The following TNS1 variants were observed in gnomAD, a reference collection of about 807,000 sequenced individuals.
TNS1 encodes the protein tensin 1.
A neutral mutation model predicts 168.6 loss-of-function variants in TNS1; 62 were observed. That is an observed-to-expected ratio of 0.37 (90% CI 0.30 to 0.45). The LOEUF (loss-of-function observed/expected upper bound fraction) is 0.45, where lower values mean the gene tolerates loss of function less well. Among genes scored for constraint, TNS1 ranks in the 20% least tolerant of loss-of-function variants. TNS1 has a pLI of 1.00. For synonymous variants in TNS1, 934 were observed against 933.2 expected, an observed-to-expected ratio of 1.00 and a Z score of -0.02; for missense variants, 2,240 against 2,339.4, an observed-to-expected ratio of 0.96 and a Z score of 0.88.
chr2:217,836,627 A>C (rs1263234778), intron 19 of TNS1, among the ~76,000 whole-genome samples: 1 of 152,160 alleles, frequency 6.6e-6, no homozygotes, highest in Non-Finnish European at 1.5e-5. Context: ...GTGGGGAAGA[A>C]CTCTTGGAAA....
chr2:217,810,845 A>G (rs1940740066), intron 28 of TNS1, among the ~76,000 whole-genome samples: 1 of 151,972 alleles, frequency 6.6e-6, no homozygotes, highest in African/African-American at 2.4e-5. Flanking sequence ...CAATGTATGC[A>G]TTTATCAAAA....
Position 217,804,233 on chromosome 2 carries a change from A to C in TNS1, c.*226T>G. 45 of 543,434 alleles carry C rather than the reference A, an allele frequency of 8.3e-5. No individual in the cohort carries two copies. The highest frequency in any genetic ancestry group is 4.9e-4 in the Middle Eastern group (1 of 2,050). 33.7% of individuals were successfully genotyped at this position (543,434 alleles called of 1,614,324 possible). A position where few individuals can be genotyped will look rare whatever the true frequency, so the allele number is the denominator to read the frequency against. On this transcript the variant is annotated 3_prime_UTR_variant, in exon 33 of 33. Coordinates refer to ENST00000682258, the MANE Select transcript of TNS1 (RefSeq NM_001387777.1). The stretch of plus-strand genomic sequence containing the variant: ...TTGCAGTTTCCATCTACCCAGGGGA[A>C]TCCAAGTTCTTCTCCTCCATCTTTC...
chr2:218,024,820 T>A (rs1378163862), intron 1 of TNS1, among the ~76,000 whole-genome samples: 1 of 152,126 alleles, frequency 6.6e-6, no homozygotes, highest in Non-Finnish European at 1.5e-5. Flanking sequence ...TCTGTACCCA[T>A]GCCTCAGTTT....
chr2:218,012,729 C>T (rs1051070516), upstream of TNS1, among the ~76,000 whole-genome samples: 2 of 152,104 alleles, frequency 1.3e-5, no homozygotes, highest in Admixed American at 6.5e-5. Flanking sequence ...GTTCTGTTTT[C>T]GTCACCAAGG....
chr2:217,946,937 GCTCTCTCT>G (rs150249191), intron 3 of TNS1, among the ~76,000 whole-genome samples: 93 of 130,868 alleles, frequency 7.1e-4, no homozygotes, highest in East Asian at 2.3e-3. Flanking sequence ...TTCCACCATC[GCTCTCTCT>G]CTCTCTCTCT....
At chr2:218,029,234 T>C (rs1376125563) in intron 1 of TNS1, among the ~76,000 whole-genome samples, 1 of 152,106 alleles carries the variant, frequency 6.6e-6, no homozygotes, top group African/African-American at 2.4e-5. Context: ...GGGGGGCAAG[T>C]GAATTGAGAA....
chr2:217,885,075 C>A lies in TNS1; in HGVS notation c.1206G>T (p.Gly402=). ...QFHTCAIHDL[G]VVFGKEDLDD... ...CAAGGTCCTCCTTCCCAAAGACAAC[C>A]CCCAGGTCATGGATGGCACAGGTGT... Residue 402 remains glycine (G), a synonymous_variant, in exon 16 of 33, where the codon GGG becomes GGT. Coordinates refer to ENST00000682258, the MANE Select transcript of TNS1 (RefSeq NM_001387777.1). 1 of 1,614,246 alleles carries A rather than the reference C, an allele frequency of 6.2e-7. No homozygotes were observed. The highest frequency in any genetic ancestry group is 2.2e-5 in the East Asian group (1 of 44,882).
intron 22 of TNS1, among the ~76,000 whole-genome samples, chr2:217,822,567 A>G (rs1266382151): frequency 6.6e-6 from 1 of 152,276 alleles, no homozygotes; most frequent in African/African-American, 2.4e-5. Flanking sequence ...AGGGAACCCC[A>G]TTCCCAGGCG....
At chr2:217,909,300 T>C (rs1288302455) in intron 4 of TNS1, among the ~76,000 whole-genome samples, 1 of 152,034 alleles carries the variant, frequency 6.6e-6, no homozygotes, top group Non-Finnish European at 1.5e-5. Context: ...GGAACTGAGA[T>C]GCAAACCCAA....
intron 23 of TNS1, among the ~76,000 whole-genome samples, chr2:217,818,991 A>G (rs1942393007): frequency 6.6e-6 from 1 of 152,212 alleles, no homozygotes; most frequent in South Asian, 2.1e-4. Flanking sequence ...ATAAAAGACC[A>G]GGGTTTCAAC....
chr2:217,892,983 G>A lies in TNS1; in HGVS notation c.747C>T (p.Ile249=), dbSNP rs765160698. 12 of 1,614,062 alleles carry A rather than the reference G, an allele frequency of 7.4e-6. No individual in the cohort carries two copies. The highest frequency in any genetic ancestry group is 3.3e-4 in the Middle Eastern group (2 of 6,082). Residue 249 remains isoleucine, a synonymous_variant, in exon 11 of 33, where the codon ATC becomes ATT. Coordinates refer to ENST00000682258, the MANE Select transcript of TNS1 (RefSeq NM_001387777.1). ...KGNRGRIGVV[I]AAYMHYSNIS... ...TGTTGCTGTAGTGCATGTAAGCCGC[G>A]ATGACAACTCCTATCCTGCCTCGGT...
intron 6 of TNS1, among the ~76,000 whole-genome samples, chr2:217,904,083 C>T (rs147996841): frequency 1.3e-5 from 2 of 152,296 alleles, no homozygotes; most frequent in Non-Finnish European, 2.9e-5. Flanking sequence ...AGATTGGTGA[C>T]CAACCTACGT....
intron 3 of TNS1, among the ~76,000 whole-genome samples, chr2:217,929,249 A>T (rs1206462778): frequency 1.3e-5 from 2 of 152,202 alleles, no homozygotes; most frequent in East Asian, 3.9e-4. Context: ...TAGCCTCCAG[A>T]CAACCCAAGC....
At chr2:217,809,537 A>ATGGATGGACGGATGGATGGG (rs1940334138) in intron 30 of TNS1, among the ~76,000 whole-genome samples, 1 of 86,088 alleles carries the variant, frequency 1.2e-5, no homozygotes, top group Non-Finnish European at 2.2e-5. Context: ...GCATGGATGG[A>ATGGATGGACGGATGGATGGG]TGCATGGATG....
intron 7 of TNS1, among the ~76,000 whole-genome samples, chr2:217,898,678 C>A (rs1952587474): frequency 6.6e-6 from 1 of 152,240 alleles, no homozygotes; most frequent in Admixed American, 6.5e-5. Context: ...TTTCTAAGGG[C>A]CCAGAAAACA....
intron 1 of TNS1, among the ~76,000 whole-genome samples, chr2:218,016,088 C>G (rs543101951): frequency 1.3e-5 from 2 of 152,222 alleles, no homozygotes; most frequent in East Asian, 3.9e-4. Flanking sequence ...GTCTGGGAAG[C>G]CCGGTGGCAT....
At chr2:217,830,107 C>T in intron 22 of TNS1, 1 of 614,658 alleles carries the variant, frequency 1.6e-6, no homozygotes, top group Non-Finnish European at 2.0e-6. Flanking sequence ...CCGAGGCCCA[C>T]CCTGCAAAGG....
intron 3 of TNS1, among the ~76,000 whole-genome samples, chr2:217,933,516 C>G (rs1454969458): frequency 1.3e-5 from 2 of 152,188 alleles, no homozygotes; most frequent in Non-Finnish European, 1.5e-5. Context: ...AACACATCCA[C>G]TGGCAGGGAC....
intron 1 of TNS1, among the ~76,000 whole-genome samples, chr2:217,999,078 C>A (rs1958517113): frequency 6.6e-6 from 1 of 152,186 alleles, no homozygotes; most frequent in Non-Finnish European, 1.5e-5. Flanking sequence ...CAACACCATG[C>A]CCTGACCCTG....
Sources: gnomAD v4.1 joint callset for allele counts (sites outside exome capture counted in the v4.1 genomes callset) on GRCh38, gnomAD v4.1.1 for gene constraint, MANE v1.5 for transcripts, NCBI Gene and HGNC (gene_info 2026-07-23, HGNC 2026-07-21) for gene names.